Variants in FNDC3B observed in about 807,000 individuals in gnomAD.
FNDC3B encodes fibronectin type III domain containing 3B, also known as fibronectin type III domain-containing protein 3B.
A neutral mutation model predicts 151.5 loss-of-function variants in FNDC3B; 12 were observed. The observed-to-expected ratio is 0.08, with a 90% CI of 0.05 to 0.13. FNDC3B has a LOEUF of 0.13. Ranked by LOEUF, FNDC3B falls within the 10% of genes least tolerant of loss-of-function variation. The pLI is 1.00. For synonymous variants in FNDC3B, 528 were observed against 549.0 expected, an observed-to-expected ratio of 0.96 and a Z score of 0.54; for missense variants, 1,214 against 1,505.3, an observed-to-expected ratio of 0.81 and a Z score of 3.20.
intron 22 of FNDC3B, among the ~76,000 whole-genome samples, chr3:172,360,740 A>G (rs28612131): frequency 0.036 from 5,440 of 152,092 alleles, 336 homozygotes; most frequent in African/African-American, 0.12. Context: ...AATTGGCCCC[A>G]TTTGTGTAGG....
rs138755545 is a variant in FNDC3B at position 172,341,758 on chromosome 3, G to A, written c.1971+527G>A. Among the ~76,000 whole-genome samples the A allele has an allele frequency of 1.1e-4, 17 of 152,268 alleles. No individual in the cohort carries two copies. The East Asian group carries it at 1.2e-3, about 10-fold the overall frequency. On this transcript the variant is annotated intron_variant, in intron 17 of 25. Coordinates refer to ENST00000415807, the MANE Select transcript of FNDC3B (RefSeq NM_022763.4). ...CTCCTGAAGTTGTGTGGTACCCAAC[G>A]TACACATCTGTAGGCAGCATCCATT... is the stretch of plus-strand genomic sequence containing the variant.
intron 7 of FNDC3B, among the ~76,000 whole-genome samples, chr3:172,292,935 G>A (rs1216517093): frequency 6.6e-6 from 1 of 152,180 alleles, no homozygotes; most frequent in Admixed American, 6.5e-5. Context: ...TGCAGGGATG[G>A]AAAATAGGCA....
intron 3 of FNDC3B, among the ~76,000 whole-genome samples, chr3:172,173,017 T>C (rs2108637624): frequency 6.6e-6 from 1 of 152,330 alleles, no homozygotes. Context: ...AATGGTTCTT[T>C]AGTGTGTTGT....
Position 172,352,820 on chromosome 3 carries a change from G to C in FNDC3B, c.2532G>C (p.Gly844=). ...CCRLQAFNQA[G]AGPYSELVLC... ...TTTTGTAGGCCTTCAATCAAGCAGG[G>C]GCAGGGCCGTACAGTGAACTTGTCC... The change falls in exon 22 of 26, where the codon GGG becomes GGC. Residue 844 remains glycine, a synonymous_variant. Coordinates refer to ENST00000415807, the MANE Select transcript of FNDC3B (RefSeq NM_022763.4). This position sits in a 1 kb window ranked among gnomAD's most constrained non-coding sequence, Gnocchi z 4.2. 6.2e-7 allele frequency: 1 copy of C among 1,613,852 alleles called. No homozygotes were observed. Among genetic ancestry groups the C allele is most frequent in the Non-Finnish European group, 8.5e-7 (1 of 1,179,980 alleles).
At chr3:172,312,626 C>T (rs967765978) in intron 11 of FNDC3B, among the ~76,000 whole-genome samples, 30 of 151,762 alleles carry the variant, frequency 2.0e-4, no homozygotes, top group African/African-American at 1.5e-4. Flanking sequence ...CTTCTTAGGG[C>T]ACTGTGTGTG....
At chr3:172,341,533 T>C (rs762385944) in intron 17 of FNDC3B, among the ~76,000 whole-genome samples, 14 of 152,190 alleles carry the variant, frequency 9.2e-5, no homozygotes, top group Non-Finnish European at 1.9e-4. Context: ...ATTGACTAAA[T>C]AAAGGAGACC....
At chr3:172,148,386 T>C (rs1484157006) in intron 3 of FNDC3B, 1 of 151,986 alleles carries the variant, frequency 6.6e-6, no homozygotes, top group Non-Finnish European at 1.5e-5. Context: ...AAAAAAATAG[T>C]GGGCCAATAT....
In FNDC3B at chr3:172,232,233, T is replaced by C. The variant is rs377310888; in HGVS notation, c.264+5286T>C. Among the ~76,000 whole-genome samples the C allele has an allele frequency of 1.7e-4, 26 of 152,294 alleles. 1 individual carries two copies. The highest frequency in any genetic ancestry group is 6.3e-4 in the African/African-American group (26 of 41,570). ...GAAGAGGGAGGCAAGTAAATCAAGA[T>C]TTTATGGTAATAACTCTAATCTGAT... On this transcript the variant is annotated intron_variant, in intron 4 of 25. Coordinates refer to ENST00000415807, the MANE Select transcript of FNDC3B (RefSeq NM_022763.4).
At chr3:172,319,988 A>C (rs1416615075) in intron 11 of FNDC3B, among the ~76,000 whole-genome samples, 1 of 152,178 alleles carries the variant, frequency 6.6e-6, no homozygotes, top group African/African-American at 2.4e-5. Context: ...GGCCACAAGC[A>C]CGTGACAACT....
intron 22 of FNDC3B, among the ~76,000 whole-genome samples, chr3:172,361,497 C>T (rs992854479): frequency 1.3e-5 from 2 of 152,200 alleles, no homozygotes; most frequent in African/African-American, 4.8e-5. Context: ...GGAAACAATG[C>T]AGCCAAGTTC....
At chr3:172,054,113 A>G (rs538770796) in intron 1 of FNDC3B, among the ~76,000 whole-genome samples, 2 of 152,336 alleles carry the variant, frequency 1.3e-5, no homozygotes, top group African/African-American at 4.8e-5. Context: ...TGCTGTACCT[A>G]TAATTTGCAC....
At chr3:172,092,003 C>A (rs906300434) in intron 1 of FNDC3B, among the ~76,000 whole-genome samples, 1 of 151,690 alleles carries the variant, frequency 6.6e-6, no homozygotes, top group East Asian at 1.9e-4. Flanking sequence ...AGTCAGTTTT[C>A]TGTGTTCATT....
At chr3:172,224,251 A>G (rs1190280291) in intron 3 of FNDC3B, among the ~76,000 whole-genome samples, 1 of 152,248 alleles carries the variant, frequency 6.6e-6, no homozygotes, top group Non-Finnish European at 1.5e-5. Context: ...CTGACAAGAA[A>G]AATGGATTTG....
intron 3 of FNDC3B, among the ~76,000 whole-genome samples, chr3:172,187,908 C>T (rs966050984): frequency 2.6e-5 from 4 of 152,054 alleles, no homozygotes; most frequent in Non-Finnish European, 4.4e-5. Context: ...ATATAAGCCG[C>T]GGCCCAGCCT....
rs1726921397 is a variant in FNDC3B, at chr3:172,232,040, C to T, written c.264+5093C>T. On this transcript the variant is annotated intron_variant, in intron 4 of 25. Coordinates refer to ENST00000415807, the MANE Select transcript of FNDC3B (RefSeq NM_022763.4). ...GGATTACAGGCGCGCATCACCATGC[C>T]TGGCTAATTTTTATATTTTTAGCGG... is the stretch of plus-strand genomic sequence containing the variant. Among the ~76,000 whole-genome samples, 5 of 151,992 alleles carry T rather than the reference C, an allele frequency of 3.3e-5. No individual in the cohort carries two copies. The South Asian group carries it at 1.0e-3, about 31-fold the overall frequency.
At chr3:172,312,093 A>T (rs1731532013) in intron 11 of FNDC3B, among the ~76,000 whole-genome samples, 1 of 152,184 alleles carries the variant, frequency 6.6e-6, no homozygotes, top group Non-Finnish European at 1.5e-5. Flanking sequence ...GCAAAAAATG[A>T]CTTGGCAAGT....
intron 4 of FNDC3B, among the ~76,000 whole-genome samples, chr3:172,245,523 T>C (rs562533053): frequency 1.1e-4 from 17 of 152,264 alleles, no homozygotes; most frequent in African/African-American, 2.6e-4. Context: ...GGATAATGCA[T>C]GTTTGTGTCA....
chr3:172,063,764 A>T (rs1056393369), intron 1 of FNDC3B, among the ~76,000 whole-genome samples: 23 of 152,204 alleles, frequency 1.5e-4, no homozygotes, highest in African/African-American at 4.8e-4. Flanking sequence ...TGCCTTTTCT[A>T]GCTCTCTTAC....
At chr3:172,259,960 TG>T (rs2108788065) in intron 6 of FNDC3B, among the ~76,000 whole-genome samples, 1 of 152,362 alleles carries the variant, frequency 6.6e-6, no homozygotes, top group East Asian at 1.9e-4. Context: ...AGTTTTCTTT[TG>T]AAATGAATGT....
Sources: allele counts gnomAD v4.1 joint callset (sites outside exome capture counted in the v4.1 genomes callset), GRCh38; gene constraint gnomAD v4.1.1; non-coding constraint Gnocchi (gnomAD v3.1); transcripts MANE v1.5; gene names NCBI Gene and HGNC (gene_info 2026-07-23, HGNC 2026-07-21).